The following PKP4 variants were observed in gnomAD, a reference collection of about 807,000 sequenced individuals.
The protein encoded by PKP4 is plakophilin-4.
In PKP4, 90 loss-of-function variants were observed where a neutral mutation model predicts 145.1. The ratio of observed to expected loss-of-function variants is 0.62; its 90% CI spans 0.52 to 0.74. The LOEUF (loss-of-function observed/expected upper bound fraction) is 0.74, where lower values mean the gene tolerates loss of function less well. Ranked by LOEUF, PKP4 falls within the 30% of genes least tolerant of loss-of-function variation. The probability of loss-of-function intolerance (pLI) is 0.00; values close to 1 mark genes in which losing one functional copy is unlikely to be tolerated. For missense variants in PKP4, 1,340 were observed against 1,482.7 expected, an observed-to-expected ratio of 0.90 and a Z score of 1.58; for synonymous variants, 563 against 577.2, an observed-to-expected ratio of 0.98 and a Z score of 0.35.
At chr2:158,515,401 A>G (rs1028572850) in intron 1 of PKP4, among the ~76,000 whole-genome samples, 4 of 152,036 alleles carry the variant, frequency 2.6e-5, no homozygotes, top group Non-Finnish European at 4.4e-5. Context: ...CTCAAAAATT[A>G]TTTGAGCCCA....
chr2:158,625,554 A>G (rs1372888548), intron 7 of PKP4, 127 bp downstream of exon 7: 3 of 731,816 alleles, frequency 4.1e-6, no homozygotes, highest in Non-Finnish European at 2.2e-6. Context: ...TTTAAACTAT[A>G]AACTTAAGGT....
intron 1 of PKP4, among the ~76,000 whole-genome samples, chr2:158,458,710 T>C (rs1313319044): frequency 6.6e-6 from 1 of 152,146 alleles, no homozygotes; most frequent in East Asian, 1.9e-4. Context: ...TTTTTTTCCC[T>C]CGTCATACTG....
At chr2:158,566,474 T>C (rs1049546289) in intron 2 of PKP4, among the ~76,000 whole-genome samples, 1 of 144,352 alleles carries the variant, frequency 6.9e-6, no homozygotes, top group Admixed American at 6.7e-5. Context: ...TCTTAATAAT[T>C]TTGAAATATA....
chr2:158,678,422 C>T (rs895428346), intron 20 of PKP4, among the ~76,000 whole-genome samples, 159 bp from the exon 21 acceptor site: 4 of 151,594 alleles, frequency 2.6e-5, no homozygotes, highest in African/African-American at 9.8e-5. Context: ...CAGGCCAGAT[C>T]CAGGGACCCT....
intron 3 of PKP4, among the ~76,000 whole-genome samples, chr2:158,602,838 A>G (rs1383259599): frequency 6.6e-6 from 1 of 152,164 alleles, no homozygotes; most frequent in Non-Finnish European, 1.5e-5. Flanking sequence ...TTCTTCAAGT[A>G]GAATTTTATG....
chr2:158,646,173 A>G (rs1000805423), intron 11 of PKP4, among the ~76,000 whole-genome samples: 4 of 152,246 alleles, frequency 2.6e-5, no homozygotes, highest in Non-Finnish European at 5.9e-5. Flanking sequence ...CTTTTAGGCT[A>G]TAAGAAACAA....
intron 1 of PKP4, among the ~76,000 whole-genome samples, chr2:158,514,602 A>T (rs1023068398): frequency 1.3e-5 from 2 of 152,206 alleles, no homozygotes; most frequent in Admixed American, 1.3e-4. Flanking sequence ...TATCTTTTAA[A>T]ATCAAGAGGT....
intron 1 of PKP4, among the ~76,000 whole-genome samples, chr2:158,515,153 G>T (rs977405089): frequency 6.6e-6 from 1 of 152,082 alleles, no homozygotes; most frequent in Non-Finnish European, 1.5e-5. Flanking sequence ...ACCCAGATGG[G>T]GGAATTTATC....
chr2:158,559,783 G>A (rs916866491), intron 2 of PKP4, among the ~76,000 whole-genome samples: 1 of 152,040 alleles, frequency 6.6e-6, no homozygotes, highest in African/African-American at 2.4e-5. Context: ...TAATATGATG[G>A]GAAATACTGA....
At chr2:158,670,257 A>G (rs537298237) in intron 17 of PKP4, among the ~76,000 whole-genome samples, 1 of 152,300 alleles carries the variant, frequency 6.6e-6, no homozygotes, top group East Asian at 1.9e-4. Context: ...AGGCCGGGAA[A>G]TCCAAGATCA....
chr2:158,675,477 G>C (rs1165597520), intron 19 of PKP4, among the ~76,000 whole-genome samples: 1 of 152,138 alleles, frequency 6.6e-6, no homozygotes, highest in Non-Finnish European at 1.5e-5. Flanking sequence ...TTGTTTTCAG[G>C]ACCCCTTAAA....
At chr2:158,654,722 G>A (rs2055745996) in intron 11 of PKP4, among the ~76,000 whole-genome samples, 1 of 152,188 alleles carries the variant, frequency 6.6e-6, no homozygotes, top group East Asian at 1.9e-4. Context: ...AAACTTAAAG[G>A]ACACTCCTGA....
intron 2 of PKP4, among the ~76,000 whole-genome samples, chr2:158,533,895 C>T (rs7591578): frequency 0.88 from 133,841 of 152,166 alleles, 59,115 homozygotes; most frequent in Middle Eastern, 0.93. Context: ...CAAGTAACCT[C>T]CTATATTAGG....
chr2:158,466,525 C>T (rs1376251209), intron 1 of PKP4, among the ~76,000 whole-genome samples: 5 of 151,204 alleles, frequency 3.3e-5, no homozygotes, highest in Non-Finnish European at 7.4e-5. Flanking sequence ...GGTGAAACCC[C>T]ATCTCTACTA....
At chr2:158,639,434 A>G (rs1182474184) in intron 9 of PKP4, among the ~76,000 whole-genome samples, 1 of 152,196 alleles carries the variant, frequency 6.6e-6, no homozygotes, top group Non-Finnish European at 1.5e-5. Context: ...GACTTCCCAG[A>G]TCAAGAGAGA....
At chr2:158,467,638 G>C (rs1254877142) in intron 1 of PKP4, among the ~76,000 whole-genome samples, 1 of 151,536 alleles carries the variant, frequency 6.6e-6, no homozygotes, top group Non-Finnish European at 1.5e-5. Context: ...TTGAGGCCAA[G>C]AGTTCAAGAC....
intron 3 of PKP4, among the ~76,000 whole-genome samples, chr2:158,584,254 A>G (rs2048603706): frequency 6.6e-6 from 1 of 152,198 alleles, no homozygotes; most frequent in Non-Finnish European, 1.5e-5. Context: ...GCTTTGCCCC[A>G]TTGGCTCCTC....
chr2:158,554,419 T>A (rs527860670), intron 2 of PKP4, among the ~76,000 whole-genome samples: 5,347 of 53,268 alleles, frequency 0.1, 228 homozygotes, highest in African/African-American at 0.2. Context: ...CAGAAATAAT[T>A]ATTATTATTA....
rs368784052 is a variant in PKP4, at chr2:158,676,863, C to T, written c.3252C>T (p.Tyr1084=). The change falls in exon 20 of 22, where the codon TAC becomes TAT. Residue 1084 remains tyrosine, a synonymous_variant. Coordinates refer to ENST00000389759, the MANE Select transcript of PKP4 (RefSeq NM_003628.6). The stretch of plus-strand genomic sequence containing the variant: ...GGGATGCCACACATAAAGGCCTGTA[C>T]CCTGGTAAGACGCCAGTTGGGTGTG... ...SQGDATHKGL[Y]PGSSKPSPIY... 17 of 1,613,932 alleles carry T rather than the reference C, an allele frequency of 1.1e-5. No homozygotes were observed. In the African/African-American group the frequency reaches 1.6e-4, roughly 15 times the overall value.
Sources: gnomAD v4.1 joint callset for allele counts (sites outside exome capture counted in the v4.1 genomes callset) on GRCh38, gnomAD v4.1.1 for gene constraint, MANE v1.5 for transcripts, NCBI Gene and HGNC (gene_info 2026-07-23, HGNC 2026-07-21) for gene names.